Variants in ATP2B1 observed in about 807,000 individuals in gnomAD.
ATP2B1 encodes the protein plasma membrane calcium-transporting ATPase 1.
In ATP2B1, 14 loss-of-function variants were observed where a neutral mutation model predicts 124.2. That is an observed-to-expected ratio of 0.11 (90% confidence interval 0.07 to 0.18). The LOEUF (loss-of-function observed/expected upper bound fraction) is 0.18. Among genes scored for constraint, ATP2B1 ranks in the 10% least tolerant of loss-of-function variants. The pLI, the probability that ATP2B1 is intolerant of heterozygous loss-of-function variation, is 1.00. For synonymous variants in ATP2B1, 449 were observed against 492.4 expected (o/e 0.91, Z 1.17); for missense variants, 763 against 1,466.1 (o/e 0.52, Z 7.83).
chr12:89,705,343 T>TA (rs1892327090), intron 1 of ATP2B1, among the ~76,000 whole-genome samples: 1 of 152,122 alleles, frequency 6.6e-6, no homozygotes, highest in Non-Finnish European at 1.5e-5. Context: ...ATCTGGTCAA[T>TA]ACTCTTGCCC....
chr12:89,640,906 T>C (rs1057113954), intron 3 of ATP2B1, among the ~76,000 whole-genome samples: 27 of 152,342 alleles, frequency 1.8e-4, no homozygotes, highest in African/African-American at 5.3e-4. Flanking sequence ...GGCACCACGT[T>C]TCCTGTACAG....
chr12:89,651,826 G>C (rs1885294135), intron 2 of ATP2B1, among the ~76,000 whole-genome samples: 1 of 152,098 alleles, frequency 6.6e-6, no homozygotes, highest in South Asian at 2.1e-4. Context: ...GAGACTCTGG[G>C]TAAACTGCTT....
chr12:89,599,313 G>A lies in ATP2B1; in HGVS notation c.3169-14C>T, dbSNP rs757585812. On this transcript the variant is annotated splice_polypyrimidine_tract_variant and intron_variant, in intron 19 of 20. Coordinates refer to ENST00000428670, the MANE Select transcript of ATP2B1 (RefSeq NM_001366521.1). ...TGTTGAAATAAGCTACAACACAGGG[G>A]AATGAACTTAGAAATAAATCATATC... 1 of 1,611,550 alleles carries A rather than the reference G, an allele frequency of 6.2e-7. No individual in the cohort carries two copies. Among genetic ancestry groups the A allele is most frequent in the Admixed American group, 1.7e-5 (1 of 59,780 alleles).
chr12:89,658,434 G>C (rs1324908594), intron 1 of ATP2B1, among the ~76,000 whole-genome samples: 1 of 152,204 alleles, frequency 6.6e-6, no homozygotes, highest in African/African-American at 2.4e-5. Context: ...TACTGGAGTA[G>C]AGGTAAATAA....
chr12:89,625,584 C>CAAAAAAAAAAAAAAAAAAAAAAAAAAAAA (rs10560749), intron 8 of ATP2B1, among the ~76,000 whole-genome samples: 2 of 81,604 alleles, frequency 2.5e-5, no homozygotes, highest in Non-Finnish European at 4.7e-5. Context: ...GACCCTGTCT[C>CAAAAAAAAAAAAAAAAAAAAAAAAAAAAA]AAAAAAAAAA....
At chr12:89,639,699 A>G (rs993766056) in intron 3 of ATP2B1, among the ~76,000 whole-genome samples, 1 of 152,030 alleles carries the variant, frequency 6.6e-6, no homozygotes, top group Non-Finnish European at 1.5e-5. Flanking sequence ...AGGGCCTTAG[A>G]ACACCGACAG....
Position 89,616,985 on chromosome 12 carries a change from G to A in ATP2B1, c.1884C>T (p.Asp628=). 6 of 1,614,004 alleles carry A rather than the reference G, an allele frequency of 3.7e-6. No homozygotes were observed. The highest frequency in any genetic ancestry group is 5.1e-6 in the Non-Finnish European group (6 of 1,179,968). ...TCACAGTTTTTACAATATCATCACG[G>A]TCCCTTGGTCTGAATACTTTTGCCT... The part of the protein sequence containing the change: ...NGEAKVFRPR[D]RDDIVKTVIE... The change falls in exon 12 of 21, where the codon GAC becomes GAT. Residue 628 remains aspartate (D), a synonymous_variant. Coordinates refer to ENST00000428670, the MANE Select transcript of ATP2B1 (RefSeq NM_001366521.1).
intron 18 of ATP2B1, among the ~76,000 whole-genome samples, chr12:89,602,004 C>T (rs1875943962): frequency 6.6e-6 from 1 of 152,174 alleles, no homozygotes; most frequent in Non-Finnish European, 1.5e-5. Flanking sequence ...TGGGCTAACT[C>T]AGGTGAGGTG....
At chr12:89,601,912 T>C (rs1875929438) in intron 18 of ATP2B1, among the ~76,000 whole-genome samples, 1 of 152,200 alleles carries the variant, frequency 6.6e-6, no homozygotes, top group African/African-American at 2.4e-5. Flanking sequence ...CATAGCTGTT[T>C]ATTTCTAGTT....
At chr12:89,666,625 C>T (rs1420178483) in intron 1 of ATP2B1, among the ~76,000 whole-genome samples, 1 of 152,160 alleles carries the variant, frequency 6.6e-6, no homozygotes, top group Non-Finnish European at 1.5e-5. Context: ...CTCCTACCAC[C>T]CATCTGGTTA....
chr12:89,634,964 G>C, intron 4 of ATP2B1, 33 bp downstream of exon 4: 1 of 1,611,340 alleles, frequency 6.2e-7, no homozygotes. Context: ...TTTATGTTTA[G>C]TGTCAGATGT....
chr12:89,692,464 A>ACTAAAG (rs1224475251), intron 1 of ATP2B1, among the ~76,000 whole-genome samples: 1 of 152,162 alleles, frequency 6.6e-6, no homozygotes, highest in African/African-American at 2.4e-5. Context: ...TCTCCCACAT[A>ACTAAAG]CTAAAGATGT....
At chr12:89,594,266 G>A (rs1430258545) in intron 20 of ATP2B1, 1 of 151,932 alleles carries the variant, frequency 6.6e-6, no homozygotes, top group Non-Finnish European at 1.5e-5. Context: ...GCTCACACCT[G>A]CTCTGATCTT....
chr12:89,670,295 G>A (rs530675481), intron 1 of ATP2B1, among the ~76,000 whole-genome samples: 54 of 150,858 alleles, frequency 3.6e-4, no homozygotes, highest in African/African-American at 1.1e-3. Flanking sequence ...TAATAAATAC[G>A]TTTAACAATA....
rs186789568 is a variant in ATP2B1 at position 89,588,906 on chromosome 12, G to T, written c.*2078C>A. Reference sequence around the variant, plus strand: ...TAGGGTCAATTTTTAGAGTTGAAAGGGTTCTTCAAGATAGTCCACCACCCT... The same window carrying T: ...TAGGGTCAATTTTTAGAGTTGAAAGTGTTCTTCAAGATAGTCCACCACCCT... On this transcript the variant is annotated 3_prime_UTR_variant, in exon 21 of 21. Transcript: ENST00000428670. The T allele has an allele frequency of 6.6e-6, 1 of 152,478 alleles. No individual in the cohort carries two copies. The highest frequency in any genetic ancestry group is 1.5e-5 in the Non-Finnish European group (1 of 68,000). 9.4% of individuals were successfully genotyped at this position (152,478 alleles called of 1,614,324 possible).
At chr12:89,630,782 T>TATATATAA in intron 5 of ATP2B1, 137 bp from the exon 6 acceptor site, 2 of 239,536 alleles carry the variant, frequency 8.3e-6, no homozygotes, top group East Asian at 8.0e-5. Flanking sequence ...AATATATAAA[T>TATATATAA]ATATATATAT....
chr12:89,659,153 C>T (rs1210422747), intron 1 of ATP2B1, among the ~76,000 whole-genome samples: 4 of 152,176 alleles, frequency 2.6e-5, no homozygotes, highest in Non-Finnish European at 5.9e-5. Context: ...GAAAGCAGAA[C>T]ATCTATTTTG....
At chr12:89,702,505 C>T (rs1400892532) in intron 1 of ATP2B1, among the ~76,000 whole-genome samples, 5 of 152,156 alleles carry the variant, frequency 3.3e-5, no homozygotes, top group African/African-American at 1.2e-4. Context: ...AACTCACTCA[C>T]AGGGTTAATA....
intron 1 of ATP2B1, among the ~76,000 whole-genome samples, chr12:89,687,524 T>C (rs1230062076): frequency 6.6e-6 from 1 of 151,964 alleles, no homozygotes; most frequent in African/African-American, 2.4e-5. Context: ...GCTATCTAGG[T>C]GGGTGGAGGT....
Sources: allele counts gnomAD v4.1 joint callset (sites outside exome capture counted in the v4.1 genomes callset), GRCh38; gene constraint gnomAD v4.1.1; transcripts MANE v1.5; gene names NCBI Gene and HGNC (gene_info 2026-07-23, HGNC 2026-07-21).